TST: variants seen among roughly 807,000 people sequenced by gnomAD.
TST encodes the protein epididymis secretory sperm binding protein.
In TST, 22 loss-of-function variants were observed where a neutral mutation model predicts 20.4. The observed-to-expected ratio is 1.08, with a 90% CI of 0.77 to 1.54. The LOEUF is 1.54. Among genes scored for constraint, TST ranks in the 40% most tolerant of loss-of-function variants. TST has a pLI of 0.00. For missense variants in TST, 392 were observed against 405.2 expected, an observed-to-expected ratio of 0.97 and a Z score of 0.28; for synonymous variants, 187 against 173.8, an observed-to-expected ratio of 1.08 and a Z score of -0.60.
intron 1 of TST, 97 bp from the exon 2 acceptor site, chr22:37,018,850 G>A: frequency 2.4e-6 from 2 of 848,108 alleles, no homozygotes; most frequent in South Asian, 4.4e-5. Flanking sequence ...TTCTCCCTCC[G>A]CACTCCCCCG....
At chr22:37,019,502 C>A (rs1385629164), upstream of TST, 1 of 5,978 alleles carries the variant, frequency 1.7e-4, no homozygotes, top group East Asian at 6.8e-3. Context: ...CATCGCGCCA[C>A]CGCCAGAGGG....
intron 2 of TST, among the ~76,000 whole-genome samples, chr22:37,016,241 G>A (rs544552325): frequency 2.6e-5 from 4 of 151,978 alleles, no homozygotes; most frequent in East Asian, 1.9e-4. Context: ...CACCACGCCC[G>A]GCCGCCACTG....
At chr22:37,012,812 G>A (rs1004279288) in intron 2 of TST, among the ~76,000 whole-genome samples, 1 of 152,108 alleles carries the variant, frequency 6.6e-6, no homozygotes, top group Non-Finnish European at 1.5e-5. Context: ...TTGGGAGGCT[G>A]AGGTGGGTGG....
At position 37,018,193 on chromosome 22, in the gene TST, C is replaced by T. The variant is rs1922766682; in HGVS notation, c.540G>A (p.Val180=). ...ENLESKRFQL[V]DSRSQGRFLG... ...GGAACCGCCCTTGAGACCTTGAATC[C>T]ACCAGCTGGAACCTCTTAGATTCAA... The change falls in exon 2 of 3, where the codon GTG becomes GTA. Residue 180 remains valine (V), a synonymous_variant. Transcript: ENST00000249042. 2 of 1,608,448 alleles carry T rather than the reference C, an allele frequency of 1.2e-6. No individual in the cohort carries two copies. The highest frequency in any genetic ancestry group is 1.7e-6 in the Non-Finnish European group (2 of 1,176,728).
chr22:37,019,828 G>T, upstream of TST: 1 of 1,203,780 alleles, frequency 8.3e-7, no homozygotes, highest in Non-Finnish European at 1.0e-6. Flanking sequence ...GCGCCGCGCC[G>T]CGGGGGCCAT....
rs1922786531 is a variant in TST, at chr22:37,018,379, C to T, written c.354G>A (p.Val118=). ...GCACTGATACGGTGCGGTGGCCAAA[C>T]ACACGGAACATCCACCAGACCCGGG... ...YAPRVWWMFR[V]FGHRTVSVLN... is the part of the protein sequence containing the mutation. Residue 118 remains valine, a synonymous_variant, in exon 2 of 3, where the codon GTG becomes GTA. Transcript: ENST00000249042. The T allele has an allele frequency of 1.2e-6, 2 of 1,613,862 alleles. No homozygotes were observed. The highest frequency in any genetic ancestry group is 2.7e-5 in the African/African-American group (2 of 74,930).
chr22:37,011,277 T>C lies in TST; in HGVS notation c.644A>G (p.Asp215Gly), dbSNP rs1922469818. 6.2e-7 allele frequency: 1 copy of C among 1,613,518 alleles called. No homozygotes were observed. Among genetic ancestry groups the C allele is most frequent in the Admixed American group, 1.7e-5 (1 of 59,974 alleles). Residue 215 changes from aspartate (D) to glycine (G), a missense_variant, in exon 3 of 3, where the codon GAC (aspartate) becomes GGC (glycine). By Grantham distance (94) the Asp-to-Gly change is moderately conservative (BLOSUM62 -1). Transcript: ENST00000249042. ...IRGAVNMPFM[D>G]FLTEDGFEKG... ...CTCGAAGCCATCCTCAGTCAGGAAG[T>C]CCATGAAAGGCATGTTGACGGCACC...
upstream of TST, chr22:37,019,708 C>A: frequency 2.5e-6 from 1 of 406,268 alleles, no homozygotes; most frequent in East Asian, 3.7e-5. Flanking sequence ...AAGGCGCGGG[C>A]AGCAGCGGCT....
At chr22:37,018,810 T>A in intron 1 of TST, 57 bp from the exon 2 acceptor site, 14 of 1,253,800 alleles carry the variant, frequency 1.1e-5, no homozygotes, top group Non-Finnish European at 1.5e-5. Context: ...AGTCGGTGTG[T>A]GCAGTAGGGT....
At chr22:37,019,511 G>GA (rs1922882246), upstream of TST, 1 of 149,586 alleles carries the variant, frequency 6.7e-6, no homozygotes, top group Admixed American at 6.7e-5. Flanking sequence ...ACCGCCAGAG[G>GA]GGGACCCTGC....
intron 2 of TST, among the ~76,000 whole-genome samples, chr22:37,012,886 T>C (rs952576025): frequency 6.6e-6 from 1 of 151,764 alleles, no homozygotes. Flanking sequence ...ACTAAAGATA[T>C]AAAAAATTAG....
At chr22:37,012,745 G>A (rs908420124) in intron 2 of TST, among the ~76,000 whole-genome samples, 3 of 152,170 alleles carry the variant, frequency 2.0e-5, no homozygotes, top group East Asian at 1.9e-4. Flanking sequence ...CCTGCAGAAC[G>A]GGGACAAAAC....
At chr22:37,011,921 G>A (rs1450184525) in intron 2 of TST, among the ~76,000 whole-genome samples, 1 of 152,214 alleles carries the variant, frequency 6.6e-6, no homozygotes, top group African/African-American at 2.4e-5. Flanking sequence ...ACAGAAAGAT[G>A]AAGGCAGACC....
chr22:37,020,051 T>G (rs1922948220), upstream of TST: 11 of 332,796 alleles, frequency 3.3e-5, no homozygotes, highest in Admixed American at 1.5e-4. Context: ...GCCTGCCGGG[T>G]GGGGTCGTGG....
intron 1 of TST, 156 bp from the exon 2 acceptor site, chr22:37,018,909 A>G (rs948475149): frequency 1.9e-6 from 1 of 522,558 alleles, no homozygotes; most frequent in Non-Finnish European, 3.2e-6. Flanking sequence ...GCAGCGGGAT[A>G]AGTTTGCAGA....
chr22:37,013,991 G>A (rs1482430694), intron 2 of TST, among the ~76,000 whole-genome samples: 2 of 152,168 alleles, frequency 1.3e-5, no homozygotes, highest in African/African-American at 4.8e-5. Flanking sequence ...GTGAAGCAAG[G>A]GGAGCTCAGG....
Position 37,011,214 on chromosome 22 carries a change from T to G in TST, c.707A>C (p.Lys236Thr). ...PEELRALFQT[K>T]KVDLSQPLIA... Reference sequence around the variant, plus strand: ...GAGAGGCTGCGAGAGATCCACCTTCTTGGTCTGGAACAGAGCACGGAGCTC... The same window carrying G: ...GAGAGGCTGCGAGAGATCCACCTTCGTGGTCTGGAACAGAGCACGGAGCTC... The change falls in exon 3 of 3, where the codon AAG becomes ACG. Residue 236 changes from lysine (K) to threonine (T), a missense_variant. Physicochemically the swap from Lys to Thr is moderately conservative, Grantham distance 78. Transcript: ENST00000249042. The G allele has an allele frequency of 1.9e-6, 3 of 1,613,964 alleles. No individual in the cohort carries two copies. Among genetic ancestry groups the G allele is most frequent in the Non-Finnish European group, 1.7e-6 (2 of 1,180,020 alleles).
chr22:37,016,556 C>T (rs1601448000), intron 2 of TST, among the ~76,000 whole-genome samples: 1 of 152,122 alleles, frequency 6.6e-6, no homozygotes, highest in South Asian at 2.1e-4. Context: ...TTGGGCCTGG[C>T]ACCTCCAAGC....
chr22:37,012,642 T>A (rs113965896), intron 2 of TST, among the ~76,000 whole-genome samples: 1 of 151,554 alleles, frequency 6.6e-6, no homozygotes, highest in East Asian at 1.9e-4. Flanking sequence ...GTGGCAGGAG[T>A]GGGAGGGGAA....
Sources: gnomAD v4.1 joint callset for allele counts (sites outside exome capture counted in the v4.1 genomes callset) on GRCh38, gnomAD v4.1.1 for gene constraint, MANE v1.5 for transcripts, NCBI Gene and HGNC (gene_info 2026-07-23, HGNC 2026-07-21) for gene names.